BRME1: variants seen among roughly 807,000 people sequenced by gnomAD.
BRME1 encodes the protein BRCA2 and MEILB2-associating protein 1.
A neutral mutation model predicts 52.6 loss-of-function variants in BRME1; 31 were observed. That is an observed-to-expected ratio of 0.59 (90% CI 0.44 to 0.80). BRME1 has a LOEUF of 0.80. Ranked by LOEUF, BRME1 falls within the 30% of genes least tolerant of loss-of-function variation. The pLI, the probability that BRME1 is intolerant of heterozygous loss-of-function variation, is 0.00. For synonymous variants in BRME1, 359 were observed against 353.6 expected (o/e 1.02, Z -0.17); for missense variants, 804 against 860.3 (o/e 0.93, Z 0.82).
chr19:13,893,827 C>T (rs8103156), intron 3 of BRME1, among the ~76,000 whole-genome samples: 3 of 151,916 alleles, frequency 2.0e-5, no homozygotes, highest in South Asian at 2.1e-4. Context: ...TGAAATGTCA[C>T]GATCATCTGA....
In BRME1 at chr19:13,882,785, A is replaced by C. The variant is rs1968721834; in HGVS notation, c.*17T>G. On this transcript the variant is annotated 3_prime_UTR_variant, in exon 9 of 9. Coordinates refer to ENST00000586783, the MANE Select transcript of BRME1 (RefSeq NM_001345843.2). ...ATGGGGGCTGGGTGGCAAAGGAAAC[A>C]CAGACCTCAAAGTGGCCTACAACTC... 5 of 1,613,212 alleles carry C rather than the reference A, an allele frequency of 3.1e-6. No homozygotes were observed. In the East Asian group the frequency reaches 1.1e-4, roughly 36 times the overall value.
chr19:13,897,508 G>C (rs954137840), intron 2 of BRME1, among the ~76,000 whole-genome samples: 5 of 143,758 alleles, frequency 3.5e-5, no homozygotes, highest in Non-Finnish European at 5.9e-5. Context: ...GGGTGCTGCT[G>C]TTATGCCTGC....
chr19:13,885,833 CT>C, intron 7 of BRME1, 127 bp downstream of exon 7: 1 of 735,934 alleles, frequency 1.4e-6, no homozygotes, highest in Non-Finnish European at 2.3e-6. Flanking sequence ...CAGGGCTCAG[CT>C]CCCCTGCTGG....
chr19:13,896,398 ATTAT>A (rs1969900352), intron 2 of BRME1, among the ~76,000 whole-genome samples: 1 of 147,154 alleles, frequency 6.8e-6, no homozygotes. Flanking sequence ...TATAAAATAT[ATTAT>A]TTAAATTATA....
At chr19:13,903,651 C>G (rs1249165894) in intron 2 of BRME1, among the ~76,000 whole-genome samples, 1 of 145,298 alleles carries the variant, frequency 6.9e-6, no homozygotes, top group Admixed American at 7.0e-5. Flanking sequence ...CCAGCCTGGA[C>G]GACAGAGTCA....
chr19:13,900,429 C>A (rs1970218677), intron 2 of BRME1, among the ~76,000 whole-genome samples: 1 of 152,118 alleles, frequency 6.6e-6, no homozygotes, highest in South Asian at 2.1e-4. Flanking sequence ...CCCCAGCTTC[C>A]CCCTCCAAGG....
intron 2 of BRME1, among the ~76,000 whole-genome samples, chr19:13,899,146 T>C (rs186862771): frequency 3.3e-3 from 417 of 127,708 alleles, no homozygotes; most frequent in Non-Finnish European, 5.0e-3. Flanking sequence ...ATTCTTCTTC[T>C]TCTTCTTTTT....
At chr19:13,902,310 G>C (rs560852141) in intron 2 of BRME1, among the ~76,000 whole-genome samples, 3 of 152,248 alleles carry the variant, frequency 2.0e-5, no homozygotes, top group Middle Eastern at 3.4e-3. Flanking sequence ...CTGCACTCCA[G>C]TCTGGGCAAC....
chr19:13,896,331 TATAC>T (rs1969889074), intron 2 of BRME1, among the ~76,000 whole-genome samples: 1 of 147,960 alleles, frequency 6.8e-6, no homozygotes, highest in Non-Finnish European at 1.5e-5. Context: ...ATATTTAATA[TATAC>T]ATACATATAA....
At chr19:13,887,238 G>A (rs1215223383) in intron 6 of BRME1, among the ~76,000 whole-genome samples, 1 of 152,208 alleles carries the variant, frequency 6.6e-6, no homozygotes, top group East Asian at 1.9e-4. Flanking sequence ...GGGAGACACG[G>A]GCCTCGGCCT....
intron 2 of BRME1, among the ~76,000 whole-genome samples, chr19:13,902,285 G>T (rs928381960): frequency 6.6e-6 from 1 of 151,994 alleles, no homozygotes; most frequent in Non-Finnish European, 1.5e-5. Flanking sequence ...GCTGCAGTGA[G>T]TCAAGATCGT....
At chr19:13,884,628 CAAA>C (rs35330501) in intron 7 of BRME1, among the ~76,000 whole-genome samples, 2 of 125,392 alleles carry the variant, frequency 1.6e-5, no homozygotes, top group Non-Finnish European at 1.7e-5. Flanking sequence ...GACTGTGTCT[CAAA>C]AAAAAAAAAA....
chr19:13,894,579 T>TGGG (rs1969748493), intron 3 of BRME1, among the ~76,000 whole-genome samples: 1 of 152,156 alleles, frequency 6.6e-6, no homozygotes, highest in Admixed American at 6.6e-5. Flanking sequence ...TGGCTAATTA[T>TGGG]TTTATTTCTT....
chr19:13,893,119 A>G, intron 4 of BRME1, 23 bp downstream of exon 4: 1 of 1,582,774 alleles, frequency 6.3e-7, no homozygotes. Flanking sequence ...TTCTATATCC[A>G]CGAGGCCACA....
rs947427542 is a variant in BRME1, at chr19:13,888,944, C to T, written c.1668+244G>A. Among the ~76,000 whole-genome samples, 4 of 152,308 alleles carry T rather than the reference C, an allele frequency of 2.6e-5. No individual in the cohort carries two copies. Among genetic ancestry groups the T allele is most frequent in the South Asian group, 4.1e-4 (2 of 4,820 alleles). On this transcript the variant is annotated intron_variant, in intron 6 of 8. Coordinates refer to ENST00000586783, the MANE Select transcript of BRME1 (RefSeq NM_001345843.2). The surrounding 1 kb of genome is among the most constrained non-coding windows in gnomAD (Gnocchi z 4.1). ...AATGTGGGGGGCCCGGCTGAGAAAGCAGCTGTGTGTCACCATCCCTAGATA... is the reference window on the plus strand; with the variant it reads ...AATGTGGGGGGCCCGGCTGAGAAAGTAGCTGTGTGTCACCATCCCTAGATA...
chr19:13,895,586 C>A (rs1438029620), intron 2 of BRME1, 40 bp from the exon 3 acceptor site: 3 of 1,566,050 alleles, frequency 1.9e-6, no homozygotes, highest in African/African-American at 2.7e-5. Flanking sequence ...GTGGGGGATA[C>A]AGCCACTGCT....
intron 2 of BRME1, among the ~76,000 whole-genome samples, chr19:13,904,557 T>C (rs1970528989): frequency 6.6e-6 from 1 of 152,106 alleles, no homozygotes; most frequent in Non-Finnish European, 1.5e-5. Flanking sequence ...TTCTCCTGCC[T>C]CAGTCTCCCG....
At position 13,888,905 on chromosome 19, in the gene BRME1, G is replaced by A. The variant is rs1271840268; in HGVS notation, c.1668+283C>T. Among the ~76,000 whole-genome samples, 1 of 152,116 alleles carries A rather than the reference G, an allele frequency of 6.6e-6. No individual in the cohort carries two copies. Among genetic ancestry groups the A allele is most frequent in the Non-Finnish European group, 1.5e-5 (1 of 68,016 alleles). ...GAAGCTGCCAGGGGCTGGCACTCCT[G>A]GGGACTCCAGTTCAATGTGGGGGGC... On this transcript the variant is annotated intron_variant, in intron 6 of 8. Transcript: ENST00000586783. This position sits in a 1 kb window ranked among gnomAD's most constrained non-coding sequence, Gnocchi z 4.1.
At chr19:13,904,762 G>A (rs990683393) in intron 2 of BRME1, 100 bp downstream of exon 2, 5 of 1,283,008 alleles carry the variant, frequency 3.9e-6, no homozygotes, top group African/African-American at 1.5e-5. Flanking sequence ...CTTTTAAGGA[G>A]GTTAAGGCAG....
Sources: allele counts gnomAD v4.1 joint callset (sites outside exome capture counted in the v4.1 genomes callset), GRCh38; gene constraint gnomAD v4.1.1; non-coding constraint Gnocchi (gnomAD v3.1); transcripts MANE v1.5; gene names NCBI Gene and HGNC (gene_info 2026-07-23, HGNC 2026-07-21).